Variants in DGKG observed in about 807,000 individuals in gnomAD.
DGKG encodes the protein diacylglycerol kinase gamma.
DGKG carries 78 observed loss-of-function variants against 105.3 expected under a neutral mutation model. The ratio of observed to expected loss-of-function variants is 0.74; its 90% CI spans 0.62 to 0.89. The LOEUF is 0.89. Ranked by LOEUF, DGKG falls within the 40% of genes least tolerant of loss-of-function variation. The pLI, the probability that DGKG is intolerant of heterozygous loss-of-function variation, is 0.00. For missense variants in DGKG, 958 were observed against 1,020.1 expected (o/e 0.94, Z 0.83); for synonymous variants, 346 against 367.1 (o/e 0.94, Z 0.66).
chr3:186,280,837 G>C (rs1275070504), intron 7 of DGKG, 93 bp from the exon 8 acceptor site: 2 of 1,013,314 alleles, frequency 2.0e-6, no homozygotes, highest in East Asian at 4.9e-5. Context: ...GTGGGAAGAG[G>C]GACAGGGCAG....
At chr3:186,271,477 C>A (rs367937583) in intron 11 of DGKG, among the ~76,000 whole-genome samples, 1 of 152,174 alleles carries the variant, frequency 6.6e-6, no homozygotes, top group African/African-American at 2.4e-5. Context: ...CCACCCCAGT[C>A]GGGCCCTCAG....
At chr3:186,356,192 T>C (rs1726948967) in intron 1 of DGKG, among the ~76,000 whole-genome samples, 1 of 152,208 alleles carries the variant, frequency 6.6e-6, no homozygotes, top group South Asian at 2.1e-4. Flanking sequence ...GAACATACAG[T>C]GGAATGCCTC....
intron 3 of DGKG, among the ~76,000 whole-genome samples, chr3:186,299,841 T>C (rs73180358): frequency 0.27 from 19,238 of 72,330 alleles, 2,506 homozygotes; most frequent in Admixed American, 0.28. Context: ...TTCTTTCTTT[T>C]TTTTTTTTTT....
At chr3:186,205,902 TA>T (rs912277065) in intron 21 of DGKG, among the ~76,000 whole-genome samples, 20 of 151,708 alleles carry the variant, frequency 1.3e-4, no homozygotes, top group Admixed American at 7.2e-4. Context: ...AAAAAAAAAT[TA>T]AAAAAATCCT....
intron 20 of DGKG, among the ~76,000 whole-genome samples, chr3:186,222,710 G>T (rs948662712): frequency 6.6e-6 from 1 of 151,832 alleles, no homozygotes; most frequent in Non-Finnish European, 1.5e-5. Context: ...CAGGCGCAGT[G>T]GGTCACGCCT....
intron 20 of DGKG, among the ~76,000 whole-genome samples, chr3:186,214,733 A>G (rs1303596457): frequency 6.6e-6 from 1 of 152,222 alleles, no homozygotes; most frequent in Non-Finnish European, 1.5e-5. Context: ...TGTGAGACAA[A>G]GTATTCATCA....
At chr3:186,157,404 T>C (rs1045813190) in intron 24 of DGKG, among the ~76,000 whole-genome samples, 7 of 151,098 alleles carry the variant, frequency 4.6e-5, no homozygotes, top group South Asian at 4.1e-4. Flanking sequence ...CATATTTATA[T>C]ATAGTCTATA....
At chr3:186,167,487 A>G (rs1358809195) in intron 22 of DGKG, among the ~76,000 whole-genome samples, 1 of 152,182 alleles carries the variant, frequency 6.6e-6, no homozygotes, top group East Asian at 1.9e-4. Context: ...GGCATCACTT[A>G]ATCCCCTTTA....
chr3:186,312,602 C>T (rs1482576003), intron 2 of DGKG, among the ~76,000 whole-genome samples: 2 of 152,106 alleles, frequency 1.3e-5, no homozygotes, highest in Non-Finnish European at 1.5e-5. Flanking sequence ...GGGGGAGTCA[C>T]TGAGACGAGG....
At chr3:186,254,186 G>A (rs765542047) in intron 17 of DGKG, among the ~76,000 whole-genome samples, 2 of 152,154 alleles carry the variant, frequency 1.3e-5, no homozygotes, top group Non-Finnish European at 2.9e-5. Flanking sequence ...ACCTCAGCAC[G>A]CATGGTGCCC....
In DGKG at chr3:186,298,095, C is replaced by T. The variant is rs746932536; in HGVS notation, c.279G>A (p.Glu93=). 2.9e-5 allele frequency: 46 copies of T among 1,613,242 alleles called. 2 individuals carry two copies. The South Asian group carries it at 4.8e-4, about 17-fold the overall frequency. ...TGTTGGCCTCACTGTTGCTGGCTCCCTCCGTCGGGTGGTCAGAGGTCTCGT... is the reference window on the plus strand; with the variant it reads ...TGTTGGCCTCACTGTTGCTGGCTCCTTCCGTCGGGTGGTCAGAGGTCTCGT... The part of the protein sequence containing the change: ...PRHETSDHPT[E]GASNSEANSA... The change falls in exon 4 of 25, where the codon GAG becomes GAA. Residue 93 remains glutamate, a synonymous_variant. Coordinates refer to ENST00000265022, the MANE Select transcript of DGKG (RefSeq NM_001346.3).
At position 186,181,267 on chromosome 3, in the gene DGKG, G is replaced by A. The variant is rs533465583; in HGVS notation, c.2095+6935C>T. The stretch of plus-strand genomic sequence containing the variant: ...ACCATGGTGCCTGGCACGTGGTGGG[G>A]GCTTTGTAAGTATGTGTTAAATAAA... On this transcript the variant is annotated intron_variant, in intron 22 of 24. Coordinates refer to ENST00000265022, the MANE Select transcript of DGKG (RefSeq NM_001346.3). Among the ~76,000 whole-genome samples, 7 of 152,306 alleles carry A rather than the reference G, an allele frequency of 4.6e-5. No individual in the cohort carries two copies. The South Asian group carries it at 1.5e-3, about 32-fold the overall frequency.
chr3:186,230,037 A>G (rs2108539200), intron 20 of DGKG, among the ~76,000 whole-genome samples: 1 of 152,310 alleles, frequency 6.6e-6, no homozygotes, highest in African/African-American at 2.4e-5. Context: ...AGGCGGGCGG[A>G]TCACGAGGTC....
chr3:186,160,105 AATATACCTTTACATACGGATTTCTGGGC>A (rs1010862448), intron 24 of DGKG: 1 of 775,466 alleles, frequency 1.3e-6, no homozygotes, highest in Admixed American at 6.2e-5. Context: ...AAAGCAGACG[AATATACCTTTACATACGGATTTCTGGGC>A]CTCACACTAT....
chr3:186,299,163 G>A (rs1723744894), intron 3 of DGKG, among the ~76,000 whole-genome samples: 1 of 152,180 alleles, frequency 6.6e-6, no homozygotes, highest in Non-Finnish European at 1.5e-5. Context: ...ATCGGCAGAT[G>A]CTCCTGGAAA....
At chr3:186,233,364 C>T (rs1169042347) in intron 20 of DGKG, among the ~76,000 whole-genome samples, 2 of 152,166 alleles carry the variant, frequency 1.3e-5, no homozygotes, top group South Asian at 2.1e-4. Flanking sequence ...AACAGCTTTT[C>T]CCCCAGACTC....
At chr3:186,194,183 C>A (rs1029011922) in intron 21 of DGKG, among the ~76,000 whole-genome samples, 1 of 152,258 alleles carries the variant, frequency 6.6e-6, no homozygotes, top group African/African-American at 2.4e-5. Context: ...TGGTGGAAGG[C>A]AGGTGCACAG....
intron 14 of DGKG, among the ~76,000 whole-genome samples, chr3:186,262,647 C>G (rs1000032259): frequency 1.3e-5 from 2 of 152,226 alleles, no homozygotes; most frequent in Non-Finnish European, 2.9e-5. Context: ...CCTTTTCAGT[C>G]TAGCCCTATT....
chr3:186,160,374 T>C (rs1417875057), intron 24 of DGKG: 1 of 985,226 alleles, frequency 1.0e-6, no homozygotes, highest in Non-Finnish European at 1.2e-6. Context: ...GGAACTTGGA[T>C]AGATTCTTCT....
Sources: allele counts gnomAD v4.1 joint callset (sites outside exome capture counted in the v4.1 genomes callset), GRCh38; gene constraint gnomAD v4.1.1; transcripts MANE v1.5; gene names NCBI Gene and HGNC (gene_info 2026-07-23, HGNC 2026-07-21).